The following GRID2 variants were observed in gnomAD, a reference collection of about 807,000 sequenced individuals.
GRID2 encodes the protein glutamate receptor ionotropic, delta-2.
A neutral mutation model predicts 114.8 loss-of-function variants in GRID2; 33 were observed. The ratio of observed to expected loss-of-function variants is 0.29; its 90% CI spans 0.22 to 0.38. The LOEUF is 0.38. Among genes scored for constraint, GRID2 ranks in the 10% least tolerant of loss-of-function variants. GRID2 has a pLI of 1.00. For missense variants in GRID2, 1,184 were observed against 1,257.7 expected (o/e 0.94, Z 0.89); for synonymous variants, 505 against 449.9 (o/e 1.12, Z -1.55).
intron 2 of GRID2, among the ~76,000 whole-genome samples, chr4:92,840,284 G>T (rs865913057): frequency 6.6e-6 from 1 of 151,714 alleles, no homozygotes; most frequent in Non-Finnish European, 1.5e-5. Flanking sequence ...ACCAGTCTCA[G>T]TTTTTTTAAT....
intron 14 of GRID2, among the ~76,000 whole-genome samples, chr4:93,714,146 G>A (rs888018424): frequency 6.6e-6 from 1 of 151,800 alleles, no homozygotes; most frequent in East Asian, 1.9e-4. Flanking sequence ...GTGTCCGTGC[G>A]TTCTCATTGT....
intron 12 of GRID2, among the ~76,000 whole-genome samples, chr4:93,499,851 T>C (rs1237741161): frequency 6.6e-6 from 1 of 151,990 alleles, no homozygotes; most frequent in East Asian, 1.9e-4. Flanking sequence ...ATGAGAGATA[T>C]GTTATTATCA....
At chr4:93,000,119 A>C (rs902726155) in intron 2 of GRID2, among the ~76,000 whole-genome samples, 6 of 151,704 alleles carry the variant, frequency 4.0e-5, no homozygotes, top group Admixed American at 3.3e-4. Flanking sequence ...CGAGATGCTT[A>C]ATGTATAGTC....
At chr4:92,647,903 C>T (rs1489381631) in intron 2 of GRID2, among the ~76,000 whole-genome samples, 1 of 149,524 alleles carries the variant, frequency 6.7e-6, no homozygotes, top group Non-Finnish European at 1.5e-5. Context: ...GGCCTAGTTT[C>T]ACTTATGTGA....
chr4:93,376,738 A>G (rs959917594), intron 8 of GRID2, among the ~76,000 whole-genome samples: 1 of 152,216 alleles, frequency 6.6e-6, no homozygotes, highest in African/African-American at 2.4e-5. Context: ...CAAATGCCAC[A>G]TGTTCTCACT....
chr4:93,589,778 T>C (rs1052640665), intron 13 of GRID2, among the ~76,000 whole-genome samples: 5 of 152,172 alleles, frequency 3.3e-5, no homozygotes, highest in African/African-American at 1.2e-4. Flanking sequence ...CCTTGTGGTT[T>C]TGATTTGCAT....
chr4:92,342,036 T>C (rs556730079), intron 1 of GRID2, among the ~76,000 whole-genome samples: 1 of 152,300 alleles, frequency 6.6e-6, no homozygotes, highest in South Asian at 2.1e-4. Flanking sequence ...ATTCATTAAT[T>C]AAAAAATATT....
intron 3 of GRID2, among the ~76,000 whole-genome samples, chr4:93,106,103 G>A (rs1417557667): frequency 6.6e-6 from 1 of 152,110 alleles, no homozygotes; most frequent in African/African-American, 2.4e-5. Context: ...TATCTGGTCA[G>A]TAGAAGAAAT....
intron 2 of GRID2, among the ~76,000 whole-genome samples, chr4:92,946,412 T>C (rs1018269770): frequency 6.6e-6 from 1 of 152,112 alleles, no homozygotes; most frequent in Non-Finnish European, 1.5e-5. Flanking sequence ...TCTTTTTTCC[T>C]GTCTTTTCCA....
intron 2 of GRID2, among the ~76,000 whole-genome samples, chr4:92,847,122 T>A (rs1432882693): frequency 5.9e-5 from 9 of 152,250 alleles, no homozygotes; most frequent in African/African-American, 2.2e-4. Flanking sequence ...TTGCTAAACA[T>A]ATGGAAACTC....
In GRID2 at chr4:93,475,196, T is replaced by A. The variant is rs564674839; in HGVS notation, c.1859-15443T>A. ...AAAGTGTAAGAACTTCCTGGAAAAATTATTTTAACCATTTTTAAATCTCTT... is the reference window on the plus strand; with the variant it reads ...AAAGTGTAAGAACTTCCTGGAAAAAATATTTTAACCATTTTTAAATCTCTT... On this transcript the variant is annotated intron_variant, in intron 11 of 15. Transcript: ENST00000282020. Among the ~76,000 whole-genome samples, 118 of 152,188 alleles carry A rather than the reference T, an allele frequency of 7.8e-4. 1 individual carries two copies. The highest frequency in any genetic ancestry group is 1.3e-4 in the Non-Finnish European group (9 of 67,984).
chr4:92,775,064 C>T (rs899706405), intron 2 of GRID2, among the ~76,000 whole-genome samples: 2 of 152,074 alleles, frequency 1.3e-5, no homozygotes, highest in Admixed American at 6.6e-5. Context: ...AAAGGATTCT[C>T]TTTCTAAATC....
chr4:92,885,801 C>A (rs548804318), intron 2 of GRID2, among the ~76,000 whole-genome samples: 32 of 152,292 alleles, frequency 2.1e-4, no homozygotes, highest in Non-Finnish European at 4.1e-4. Context: ...GTGCACTTGG[C>A]TAACATGCCG....
chr4:93,754,195 C>G (rs1394455839), intron 14 of GRID2, among the ~76,000 whole-genome samples: 2 of 152,326 alleles, frequency 1.3e-5, no homozygotes, highest in East Asian at 1.9e-4. Flanking sequence ...TATATATGGT[C>G]TGTCAGTGAC....
intron 1 of GRID2, among the ~76,000 whole-genome samples, chr4:92,582,151 A>C (rs1433526032): frequency 1.3e-5 from 2 of 152,024 alleles, no homozygotes; most frequent in African/African-American, 4.8e-5. Context: ...AGACCTAAGT[A>C]AATTATCAAT....
intron 2 of GRID2, among the ~76,000 whole-genome samples, chr4:92,627,401 A>T (rs549726334): frequency 2.0e-5 from 3 of 152,218 alleles, no homozygotes; most frequent in African/African-American, 7.2e-5. Flanking sequence ...AACATAACTT[A>T]AAATGTAGGT....
intron 2 of GRID2, among the ~76,000 whole-genome samples, chr4:92,946,001 A>G (rs561901838): frequency 6.6e-6 from 1 of 152,124 alleles, no homozygotes; most frequent in Non-Finnish European, 1.5e-5. Flanking sequence ...CTAGTCTGCT[A>G]ATGACTACCA....
intron 2 of GRID2, among the ~76,000 whole-genome samples, chr4:92,712,689 C>A (rs1396200794): frequency 6.6e-6 from 1 of 152,028 alleles, no homozygotes; most frequent in African/African-American, 2.4e-5. Flanking sequence ...GCAGGATTCT[C>A]TTATTTAATA....
intron 2 of GRID2, among the ~76,000 whole-genome samples, chr4:92,756,827 GTTTAAGTTC>G (rs1423084768): frequency 6.6e-6 from 1 of 151,850 alleles, no homozygotes; most frequent in East Asian, 1.9e-4. Flanking sequence ...ATGTTGAGTT[GTTTAAGTTC>G]TTTGTATATT....
Sources: gnomAD v4.1 joint callset for allele counts (sites outside exome capture counted in the v4.1 genomes callset) on GRCh38, gnomAD v4.1.1 for gene constraint, MANE v1.5 for transcripts, NCBI Gene and HGNC (gene_info 2026-07-23, HGNC 2026-07-21) for gene names.